The following DPP6 variants were observed in gnomAD, a reference collection of about 807,000 sequenced individuals.
The protein encoded by DPP6 is dipeptidyl peptidase like 6, also known as A-type potassium channel modulatory protein DPP6.
In DPP6, 69 loss-of-function variants were observed where a neutral mutation model predicts 122.6. The ratio of observed to expected loss-of-function variants is 0.56; its 90% confidence interval spans 0.46 to 0.69. The LOEUF is 0.69. DPP6 is among the 30% of genes least tolerant of loss of function. DPP6 has a pLI of 0.00. For missense variants in DPP6, 928 were observed against 1,116.9 expected, an observed-to-expected ratio of 0.83 and a Z score of 2.41; for synonymous variants, 418 against 433.1, an observed-to-expected ratio of 0.97 and a Z score of 0.43.
At chr7:154,085,010 AAC>A (rs1804301261) in intron 1 of DPP6, among the ~76,000 whole-genome samples, 1 of 149,416 alleles carries the variant, frequency 6.7e-6, no homozygotes, top group African/African-American at 2.5e-5. Flanking sequence ...AAAAAAAAAA[AAC>A]AGGTGCCTTT....
At chr7:153,860,407 G>A in the DPP6 span, among the ~76,000 whole-genome samples, 1 of 152,114 alleles carries the variant, frequency 6.6e-6, no homozygotes, top group East Asian at 1.9e-4. Context: ...GCACTGGAAG[G>A]AGTTGCAGGA....
At chr7:154,802,801 C>A (rs1458429146) in intron 13 of DPP6, among the ~76,000 whole-genome samples, 2 of 148,456 alleles carry the variant, frequency 1.3e-5, no homozygotes, top group African/African-American at 5.0e-5. Flanking sequence ...CGTGCCACTG[C>A]ACTCCAGCCT....
intron 6 of DPP6, among the ~76,000 whole-genome samples, chr7:154,641,558 T>G (rs1258120418): frequency 6.6e-6 from 1 of 152,208 alleles, no homozygotes; most frequent in East Asian, 1.9e-4. Flanking sequence ...TCTTTATATT[T>G]TTTAGGGTCT....
At chr7:153,922,882 A>G (rs1297008438) in intron 1 of DPP6, among the ~76,000 whole-genome samples, 2 of 152,228 alleles carry the variant, frequency 1.3e-5, no homozygotes, top group African/African-American at 2.4e-5. Flanking sequence ...ACAACAATCA[A>G]AAAAGGGACA....
chr7:154,536,910 A>C (rs560023245), intron 3 of DPP6, among the ~76,000 whole-genome samples: 16 of 152,182 alleles, frequency 1.1e-4, no homozygotes, highest in Non-Finnish European at 2.1e-4. Flanking sequence ...CCTACCTCAC[A>C]CCATACATTC....
intron 1 of DPP6, among the ~76,000 whole-genome samples, chr7:154,245,487 T>G (rs1055898643): frequency 2.0e-5 from 3 of 151,258 alleles, no homozygotes. Context: ...ATACAAAAAT[T>G]AGCCAGGCAT....
chr7:154,692,771 T>C (rs1324380272), intron 7 of DPP6, among the ~76,000 whole-genome samples: 2 of 144,454 alleles, frequency 1.4e-5, no homozygotes, highest in African/African-American at 2.8e-5. Flanking sequence ...AAAACTATTA[T>C]TCTCTCTCTC....
Position 154,544,257 on chromosome 7 carries a change from T to C in DPP6, c.552+3631T>C, listed in dbSNP as rs546863284. On this transcript the variant is annotated intron_variant, in intron 4 of 25. Transcript: ENST00000377770. ...GCTTTTTAGAAAACATTTATCAAAA[T>C]GTCTTGATCCATTTCCTCTTTTGAG... 1.4e-4 allele frequency among the ~76,000 whole-genome samples: 22 copies of C among 151,914 alleles called. 1 individual carries two copies. The highest frequency in any genetic ancestry group is 1.4e-3 in the Admixed American group (22 of 15,256).
intron 1 of DPP6, among the ~76,000 whole-genome samples, chr7:154,074,471 G>A (rs1403920572): frequency 6.6e-6 from 1 of 152,154 alleles, no homozygotes; most frequent in Non-Finnish European, 1.5e-5. Context: ...GACAGAATAA[G>A]TAAATCAGTG....
chr7:153,951,317 G>GGGGAGAGTGA (rs1265521128), intron 1 of DPP6, among the ~76,000 whole-genome samples: 1 of 152,204 alleles, frequency 6.6e-6, no homozygotes, highest in Non-Finnish European at 1.5e-5. Flanking sequence ...GCAAAGCAAG[G>GGGGAGAGTGA]GGGAGAGTGA....
chr7:154,754,713 C>T (rs1279923797), intron 8 of DPP6, among the ~76,000 whole-genome samples: 1 of 152,138 alleles, frequency 6.6e-6, no homozygotes, highest in Non-Finnish European at 1.5e-5. Context: ...ATAGCAAAGA[C>T]TCGGAACCAA....
At chr7:154,861,580 C>T (rs867101666) in intron 17 of DPP6, among the ~76,000 whole-genome samples, 6 of 152,084 alleles carry the variant, frequency 3.9e-5, no homozygotes, top group East Asian at 3.8e-4. Context: ...TTTTAACTTC[C>T]GGTGACCATA....
the DPP6 span, among the ~76,000 whole-genome samples, chr7:153,803,749 T>C: frequency 6.6e-6 from 1 of 151,312 alleles, no homozygotes; most frequent in Non-Finnish European, 1.5e-5. Context: ...TCCTTTTATA[T>C]AAATTATATA....
upstream of DPP6, among the ~76,000 whole-genome samples, chr7:153,886,722 G>A (rs1798931241): frequency 6.6e-6 from 1 of 152,152 alleles, no homozygotes; most frequent in South Asian, 2.1e-4. Flanking sequence ...GAGACGCGAC[G>A]TGTGTCCCAT....
At chr7:154,627,838 G>A (rs116045278) in intron 5 of DPP6, among the ~76,000 whole-genome samples, 2,285 of 152,316 alleles carry the variant, frequency 0.015, 55 homozygotes, top group African/African-American at 0.049. Flanking sequence ...GGAGTCTGAC[G>A]CCATGGAGGG....
At position 154,403,874 on chromosome 7, in the gene DPP6, A is replaced by G. The variant is rs1045207646; in HGVS notation, c.244-42340A>G. On this transcript the variant is annotated intron_variant, in intron 1 of 25. Coordinates refer to ENST00000377770, the MANE Select transcript of DPP6 (RefSeq NM_130797.4). The surrounding 1 kb of genome is among the most constrained non-coding windows in gnomAD (Gnocchi z 4.1). ...ACTTCTCTTTCTTTGGAAGCATTTC[A>G]TTTCCTTTTCTAGAAAATTTGGAGC... Among the ~76,000 whole-genome samples the G allele has an allele frequency of 2.6e-5, 4 of 152,114 alleles. No homozygotes were observed. Among genetic ancestry groups the G allele is most frequent in the Non-Finnish European group, 5.9e-5 (4 of 68,022 alleles).
chr7:154,244,951 C>CTTTT lies in DPP6; in HGVS notation c.243+191902_243+191905dup, dbSNP rs745446498. 3.0e-4 allele frequency among the ~76,000 whole-genome samples: 40 copies of CTTTT among 133,206 alleles called. No individual in the cohort carries two copies. In the East Asian group the frequency reaches 4.7e-3, roughly 16 times the overall value. The allele number at this position is 133,206 out of a possible 152,430, so 87.4% of individuals were successfully genotyped here. The stretch of plus-strand genomic sequence containing the variant: ...AGACATAACTGTATATCTAAAGGGA[C>CTTTT]TTTTTTTTTTTTTTTTTGAGTTAGG... On this transcript the variant is annotated intron_variant, in intron 1 of 25. Transcript: ENST00000377770.
At position 154,142,771 on chromosome 7, in the gene DPP6, C is replaced by T. The variant is rs547367796; in HGVS notation, c.243+89708C>T. Among the ~76,000 whole-genome samples, 48 of 146,886 alleles carry T rather than the reference C, an allele frequency of 3.3e-4. 1 individual carries two copies. Among genetic ancestry groups the T allele is most frequent in the African/African-American group, 1.2e-3 (47 of 39,726 alleles). ...TTTCATTTTTGCATTTTTCTACTCA[C>T]TTTTACCAAAAAAAAGGAACAAGAT... On this transcript the variant is annotated intron_variant, in intron 1 of 25. Transcript: ENST00000377770.
the DPP6 span, among the ~76,000 whole-genome samples, chr7:153,787,043 C>T: frequency 2.2e-4 from 32 of 146,482 alleles, 2 homozygotes; most frequent in South Asian, 6.8e-4. Flanking sequence ...GCTCCGCTTC[C>T]CGGGTTCACG....
Sources: allele counts gnomAD v4.1 joint callset (sites outside exome capture counted in the v4.1 genomes callset), GRCh38; gene constraint gnomAD v4.1.1; non-coding constraint Gnocchi (gnomAD v3.1); transcripts MANE v1.5; gene names NCBI Gene and HGNC (gene_info 2026-07-23, HGNC 2026-07-21).